The following PERP variants were observed in gnomAD, a reference collection of about 807,000 sequenced individuals.
The protein encoded by PERP is p53 apoptosis effector related to PMP-22.
Under a neutral mutation model 20.3 loss-of-function variants are expected in PERP, and 11 were observed. The ratio of observed to expected loss-of-function variants is 0.54; its 90% CI spans 0.34 to 0.90. The LOEUF (loss-of-function observed/expected upper bound fraction) is 0.90. PERP is among the 40% of genes least tolerant of loss of function. The pLI, the probability that PERP is intolerant of heterozygous loss-of-function variation, is 0.02. For missense variants in PERP, 224 were observed against 249.4 expected, an observed-to-expected ratio of 0.90 and a Z score of 0.69; for synonymous variants, 101 against 102.0, an observed-to-expected ratio of 0.99 and a Z score of 0.06.
rs575575496 is a variant in PERP, at chr6:138,097,072, C to T, written c.215-578G>A. On this transcript the variant is annotated intron_variant, in intron 1 of 2. Transcript: ENST00000421351. The stretch of plus-strand genomic sequence containing the variant: ...TAACAAGCTTATAACTAGCTTATAA[C>T]AAGATCTTATAACAAGCTTGGGAGC... Among the ~76,000 whole-genome samples the T allele has an allele frequency of 4.6e-5, 7 of 152,148 alleles. No individual in the cohort carries two copies. In the East Asian group the frequency reaches 1.3e-3, roughly 29 times the overall value.
chr6:138,096,223 G>A, intron 2 of PERP, 131 bp downstream of exon 2: 1 of 1,183,240 alleles, frequency 8.5e-7, no homozygotes, highest in South Asian at 1.6e-5. Context: ...TGTTACTTCT[G>A]CCCTGGTGAT....
At position 138,107,362 on chromosome 6, in the gene PERP, G is replaced by T; in HGVS notation, c.-22C>A. 1.4e-6 allele frequency: 2 copies of T among 1,456,010 alleles called. No individual in the cohort carries two copies. The highest frequency in any genetic ancestry group is 2.7e-5 in the South Asian group (2 of 73,896). 90.2% of individuals were successfully genotyped at this position (1,456,010 alleles called of 1,614,324 possible). Reference sequence around the variant, plus strand: ...TCATGTTGACGGGCGGCGCGGGGCCGAGCGGAGCGGAGCGGAGCGGGTCGG... The same window carrying T: ...TCATGTTGACGGGCGGCGCGGGGCCTAGCGGAGCGGAGCGGAGCGGGTCGG... On this transcript the variant is annotated 5_prime_UTR_variant, in exon 1 of 3. Coordinates refer to ENST00000421351, the MANE Select transcript of PERP (RefSeq NM_022121.5). The surrounding 1 kb of genome is among the most constrained non-coding windows in gnomAD (Gnocchi z 4.8).
At chr6:138,100,025 C>T (rs1008468237) in intron 1 of PERP, among the ~76,000 whole-genome samples, 2 of 152,204 alleles carry the variant, frequency 1.3e-5, no homozygotes, top group African/African-American at 4.8e-5. Flanking sequence ...CATTGAATCA[C>T]TTAACTATCA....
intron 1 of PERP, among the ~76,000 whole-genome samples, chr6:138,102,959 C>CGTG (rs1397432092): frequency 6.6e-6 from 1 of 151,512 alleles, no homozygotes; most frequent in Non-Finnish European, 1.5e-5. Context: ...ATTAGCCGGG[C>CGTG]GTGGTGGCGG....
At chr6:138,102,691 C>G (rs546577969) in intron 1 of PERP, among the ~76,000 whole-genome samples, 1 of 152,242 alleles carries the variant, frequency 6.6e-6, no homozygotes, top group Admixed American at 6.5e-5. Flanking sequence ...GGGTCTTAAA[C>G]GTTCTAGATG....
intron 2 of PERP, among the ~76,000 whole-genome samples, chr6:138,095,028 G>T (rs1775658314): frequency 6.6e-6 from 1 of 152,096 alleles, no homozygotes; most frequent in Admixed American, 6.5e-5. Context: ...GCCTTAGTGT[G>T]TTATTTCTAA....
chr6:138,093,354 T>C (rs562118032), intron 2 of PERP, among the ~76,000 whole-genome samples: 1 of 152,148 alleles, frequency 6.6e-6, no homozygotes, highest in African/African-American at 2.4e-5. Context: ...TCCACAGATG[T>C]ACCTTGAAGT....
chr6:138,103,122 G>A (rs2114343745), intron 1 of PERP, among the ~76,000 whole-genome samples: 1 of 151,230 alleles, frequency 6.6e-6, no homozygotes, highest in South Asian at 2.1e-4. Flanking sequence ...TAATCTGTCT[G>A]CTAATGCCTA....
intron 1 of PERP, among the ~76,000 whole-genome samples, chr6:138,099,874 G>A (rs1170749273): frequency 1.3e-5 from 2 of 152,118 alleles, no homozygotes; most frequent in African/African-American, 4.8e-5. Context: ...ATCTTAACAC[G>A]ACTCAGTTCA....
intron 1 of PERP, among the ~76,000 whole-genome samples, chr6:138,102,228 T>A (rs566041188): frequency 6.6e-6 from 1 of 152,358 alleles, no homozygotes; most frequent in South Asian, 2.1e-4. Flanking sequence ...AACCTTCTTT[T>A]AGACGATTTA....
intron 1 of PERP, among the ~76,000 whole-genome samples, chr6:138,106,463 G>A (rs1325325866): frequency 6.6e-6 from 1 of 151,632 alleles, no homozygotes; most frequent in African/African-American, 2.4e-5. Context: ...CACGTCGCGA[G>A]TGTAGGGAAT....
At chr6:138,099,045 G>A (rs1775736931) in intron 1 of PERP, among the ~76,000 whole-genome samples, 1 of 152,162 alleles carries the variant, frequency 6.6e-6, no homozygotes. Context: ...CCATGCTTTG[G>A]AAAGAACATT....
At chr6:138,104,785 T>C (rs1775819970) in intron 1 of PERP, among the ~76,000 whole-genome samples, 1 of 152,256 alleles carries the variant, frequency 6.6e-6, no homozygotes, top group Admixed American at 6.5e-5. Context: ...TACTGTGTGT[T>C]TGTGCATACG....
chr6:138,107,180 T>C lies in PERP; in HGVS notation c.161A>G (p.Glu54Gly). The C allele has an allele frequency of 6.2e-7, 1 of 1,611,966 alleles. No homozygotes were observed. Among genetic ancestry groups the C allele is most frequent in the Non-Finnish European group, 8.5e-7 (1 of 1,179,470 alleles). ...CTCGTAGGACCCGCTGCCGCCGCCC[T>C]CTTGGGAGCATTTCCACCACAGCGA... Reference protein sequence around the residue: ...TSSLWWKCSQEGGGSGSYEEG... With the variant: ...TSSLWWKCSQGGGGSGSYEEG... Residue 54 changes from glutamate to glycine, a missense_variant, in exon 1 of 3, where the codon GAG (glutamate) becomes GGG (glycine). Physicochemically the swap from Glu to Gly is moderately conservative, Grantham distance 98. Transcript: ENST00000421351. The surrounding 1 kb of genome is among the most constrained non-coding windows in gnomAD (Gnocchi z 4.8).
At chr6:138,092,621 T>C (rs896327544) in intron 2 of PERP, among the ~76,000 whole-genome samples, 1 of 152,182 alleles carries the variant, frequency 6.6e-6, no homozygotes, top group Non-Finnish European at 1.5e-5. Context: ...AACAACCTAT[T>C]TTTTTCATCT....
chr6:138,096,353 C>T lies in PERP; in HGVS notation c.355+1G>A. ...GAAGAATTGCTGACACACAGTCTTA[C>T]CAGCCAAGGCAAGGAGACCTCCAAT... On this transcript the variant is annotated splice_donor_variant, in intron 2 of 2. Transcript: ENST00000421351. LOFTEE classifies it high-confidence loss of function. 2 of 1,613,788 alleles carry T rather than the reference C, an allele frequency of 1.2e-6. No homozygotes were observed. The highest frequency in any genetic ancestry group is 1.7e-6 in the Non-Finnish European group (2 of 1,179,842).
intron 2 of PERP, among the ~76,000 whole-genome samples, chr6:138,093,870 T>C (rs1393812767): frequency 1.3e-5 from 2 of 152,208 alleles, no homozygotes; most frequent in Non-Finnish European, 2.9e-5. Flanking sequence ...TCTAGGCTTT[T>C]TATTCTTCTA....
rs572786776 is a variant in PERP at position 138,088,912 on chromosome 6, T to C, written c.*3130A>G. 5 of 152,320 alleles carry C rather than the reference T, an allele frequency of 3.3e-5. No homozygotes were observed. Among genetic ancestry groups the C allele is most frequent in the African/African-American group, 1.2e-4 (5 of 41,556 alleles). 9.4% of individuals were successfully genotyped at this position (152,320 alleles called of 1,614,324 possible). On this transcript the variant is annotated 3_prime_UTR_variant, in exon 3 of 3. Coordinates refer to ENST00000421351, the MANE Select transcript of PERP (RefSeq NM_022121.5). ...AAAACTCAACTGTAAAAATAAGTGT[T>C]GCAGGAAGAGTGAGGAAGAGGGAAT...
chr6:138,095,602 C>T (rs2114333321), intron 2 of PERP, among the ~76,000 whole-genome samples: 1 of 152,320 alleles, frequency 6.6e-6, no homozygotes, highest in African/African-American at 2.4e-5. Context: ...TTGCCGCTGT[C>T]AGCACCTTCT....
Sources: allele counts gnomAD v4.1 joint callset (sites outside exome capture counted in the v4.1 genomes callset), GRCh38; gene constraint gnomAD v4.1.1; non-coding constraint Gnocchi (gnomAD v3.1); transcripts MANE v1.5; gene names NCBI Gene and HGNC (gene_info 2026-07-23, HGNC 2026-07-21).